The following LMX1B variants were observed in gnomAD, a reference collection of about 807,000 sequenced individuals.
LMX1B encodes LIM homeobox transcription factor 1 beta.
LMX1B carries 12 observed loss-of-function variants against 51.4 expected under a neutral mutation model. The ratio of observed to expected loss-of-function variants is 0.23; its 90% CI spans 0.15 to 0.38. LMX1B has a LOEUF of 0.38. Among genes scored for constraint, LMX1B ranks in the 10% least tolerant of loss-of-function variants. The pLI is 1.00. For missense variants in LMX1B, 445 were observed against 571.1 expected (o/e 0.78, Z 2.25); for synonymous variants, 237 against 235.4 (o/e 1.01, Z -0.06).
chr9:126,693,377 T>G (rs2030210021), intron 4 of LMX1B, 54 bp downstream of exon 4: 1 of 1,567,638 alleles, frequency 6.4e-7, no homozygotes. Context: ...ACCCACTGCC[T>G]TTCTGGAGAC....
At chr9:126,674,821 G>A (rs779664303) in intron 2 of LMX1B, among the ~76,000 whole-genome samples, 1 of 152,160 alleles carries the variant, frequency 6.6e-6, no homozygotes, top group Non-Finnish European at 1.5e-5. Flanking sequence ...CTCACCTGCA[G>A]GGCACCAGCC....
At position 126,618,988 on chromosome 9, in the gene LMX1B, G is replaced by A. The variant is rs554413266; in HGVS notation, c.326+3419G>A. Among the ~76,000 whole-genome samples, 1 of 151,938 alleles carries A rather than the reference G, an allele frequency of 6.6e-6. No homozygotes were observed. The highest frequency in any genetic ancestry group is 1.5e-5 in the Non-Finnish European group (1 of 67,958). On this transcript the variant is annotated intron_variant, in intron 2 of 7. Transcript: ENST00000373474. The surrounding 1 kb of genome is among the most constrained non-coding windows in gnomAD (Gnocchi z 4.5). Reference sequence around the variant, plus strand: ...GCGGGGCCGCGGCGTCCTTCCGCCCGCAGGGCCTGCCCGGGCGGCCGAGCC... The same window carrying A: ...GCGGGGCCGCGGCGTCCTTCCGCCCACAGGGCCTGCCCGGGCGGCCGAGCC...
intron 2 of LMX1B, among the ~76,000 whole-genome samples, chr9:126,656,203 G>A (rs539292390): frequency 6.6e-6 from 1 of 152,290 alleles, no homozygotes; most frequent in Admixed American, 6.5e-5. Context: ...CTTAAATGAG[G>A]AATGGAAAAC....
intron 2 of LMX1B, among the ~76,000 whole-genome samples, chr9:126,683,049 C>T (rs984685619): frequency 8.6e-5 from 13 of 151,584 alleles, no homozygotes; most frequent in African/African-American, 2.7e-4. Context: ...CCAGCCCCGG[C>T]TGGGGGCTCC....
At chr9:126,629,961 C>T (rs1297679288) in intron 2 of LMX1B, among the ~76,000 whole-genome samples, 1 of 151,834 alleles carries the variant, frequency 6.6e-6, no homozygotes, top group Non-Finnish European at 1.5e-5. Flanking sequence ...CTGGTTAACA[C>T]GGTGAAACCC....
chr9:126,660,239 T>TC (rs1836218219), intron 2 of LMX1B, among the ~76,000 whole-genome samples: 1 of 151,180 alleles, frequency 6.6e-6, no homozygotes, highest in African/African-American at 2.4e-5. Context: ...TTAGAGATTG[T>TC]TCTGTGTGGG....
intron 2 of LMX1B, among the ~76,000 whole-genome samples, chr9:126,651,977 C>T (rs1164483202): frequency 1.3e-5 from 2 of 149,496 alleles, no homozygotes; most frequent in East Asian, 4.0e-4. Context: ...AATCAAACCA[C>T]AAGCCTCGGT....
At position 126,673,076 on chromosome 9, in the gene LMX1B, T is replaced by A. The variant is rs896553171; in HGVS notation, c.327-17760T>A. ...ACTGGGGGCTCTGGCACTTTGTAGC[T>A]GTGAGGCTTGGCACAAGGCTCAGTT... On this transcript the variant is annotated intron_variant, in intron 2 of 7. Coordinates refer to ENST00000373474, the MANE Select transcript of LMX1B (RefSeq NM_001174147.2). This position sits in a 1 kb window ranked among gnomAD's most constrained non-coding sequence, Gnocchi z 4.4. Among the ~76,000 whole-genome samples, 4 of 152,244 alleles carry A rather than the reference T, an allele frequency of 2.6e-5. No individual in the cohort carries two copies. Among genetic ancestry groups the A allele is most frequent in the African/African-American group, 9.6e-5 (4 of 41,468 alleles).
At chr9:126,642,405 C>G (rs1835825726) in intron 2 of LMX1B, among the ~76,000 whole-genome samples, 1 of 152,232 alleles carries the variant, frequency 6.6e-6, no homozygotes, top group Admixed American at 6.5e-5. Context: ...GCCCTCGGTG[C>G]TATCACCAGA....
intron 2 of LMX1B, among the ~76,000 whole-genome samples, chr9:126,672,095 G>T (rs1014708198): frequency 6.6e-6 from 1 of 152,266 alleles, no homozygotes; most frequent in Non-Finnish European, 1.5e-5. Context: ...ACCACAAGGG[G>T]TGAAGGTCTC....
chr9:126,629,653 T>C (rs532356010), intron 2 of LMX1B, among the ~76,000 whole-genome samples: 1 of 152,248 alleles, frequency 6.6e-6, no homozygotes, highest in Non-Finnish European at 1.5e-5. Context: ...CCAGTGTTCA[T>C]TTTATGCTGC....
chr9:126,660,072 A>G (rs1325246966), intron 2 of LMX1B, among the ~76,000 whole-genome samples: 1 of 141,980 alleles, frequency 7.0e-6, no homozygotes, highest in Non-Finnish European at 1.5e-5. Flanking sequence ...GGGGGTGTCT[A>G]CACTGGCTTC....
chr9:126,667,449 T>C (rs1343621485), intron 2 of LMX1B, among the ~76,000 whole-genome samples: 2 of 152,218 alleles, frequency 1.3e-5, no homozygotes, highest in African/African-American at 4.8e-5. Context: ...CTGGTACATA[T>C]ATCTTTGTGC....
rs1352457198 is a variant in LMX1B, at chr9:126,615,888, A to G, written c.326+319A>G. 6.6e-6 allele frequency among the ~76,000 whole-genome samples: 1 copy of G among 152,150 alleles called. No homozygotes were observed. Among genetic ancestry groups the G allele is most frequent in the Admixed American group, 6.5e-5 (1 of 15,286 alleles). ...TGGCGCTACGGAGGCCTGAATTGGGAACCCAAAATTGATTTCCAAAGGAAA... is the reference window on the plus strand; with the variant it reads ...TGGCGCTACGGAGGCCTGAATTGGGGACCCAAAATTGATTTCCAAAGGAAA... On this transcript the variant is annotated intron_variant, in intron 2 of 7. Transcript: ENST00000373474. This position sits in a 1 kb window ranked among gnomAD's most constrained non-coding sequence, Gnocchi z 6.0.
At chr9:126,624,637 G>T (rs1232608958) in intron 2 of LMX1B, among the ~76,000 whole-genome samples, 2 of 151,112 alleles carry the variant, frequency 1.3e-5, no homozygotes, top group Non-Finnish European at 2.9e-5. Flanking sequence ...CAGCCCGAGG[G>T]CGGCGAGTGG....
chr9:126,682,083 C>CTTTT (rs71377953), intron 2 of LMX1B, among the ~76,000 whole-genome samples: 25 of 53,370 alleles, frequency 4.7e-4, no homozygotes, highest in Non-Finnish European at 5.4e-4. Flanking sequence ...TCCCCAGGGT[C>CTTTT]TTTTTTTTTT....
intron 2 of LMX1B, among the ~76,000 whole-genome samples, chr9:126,669,013 T>C (rs1427366186): frequency 6.6e-6 from 1 of 152,242 alleles, no homozygotes; most frequent in Non-Finnish European, 1.5e-5. Flanking sequence ...GTTTGCTCTT[T>C]AGAAATGGAC....
intron 2 of LMX1B, among the ~76,000 whole-genome samples, chr9:126,685,506 A>C (rs1836753497): frequency 6.6e-6 from 1 of 152,188 alleles, no homozygotes; most frequent in African/African-American, 2.4e-5. Context: ...GGTAGGTAGC[A>C]GTGTCCTGGA....
At chr9:126,678,416 G>T (rs867153360) in intron 2 of LMX1B, among the ~76,000 whole-genome samples, 1 of 152,086 alleles carries the variant, frequency 6.6e-6, no homozygotes, top group African/African-American at 2.4e-5. Flanking sequence ...AGTGCCTGAA[G>T]GGCAAGAAGG....
Sources: allele counts gnomAD v4.1 joint callset (sites outside exome capture counted in the v4.1 genomes callset), GRCh38; gene constraint gnomAD v4.1.1; non-coding constraint Gnocchi (gnomAD v3.1); transcripts MANE v1.5; gene names NCBI Gene and HGNC (gene_info 2026-07-23, HGNC 2026-07-21).